The following ASCC1 variants were observed in gnomAD, a reference collection of about 807,000 sequenced individuals.
ASCC1 encodes the protein activating signal cointegrator 1 complex subunit 1.
ASCC1 carries 35 observed loss-of-function variants against 46.6 expected under a neutral mutation model. The ratio of observed to expected loss-of-function variants is 0.75; its 90% CI spans 0.57 to 0.99. The LOEUF is 0.99. ASCC1 is among the 50% of genes least tolerant of loss of function. The pLI is 0.00. For missense variants in ASCC1, 376 were observed against 428.7 expected, an observed-to-expected ratio of 0.88 and a Z score of 1.09; for synonymous variants, 143 against 146.6, an observed-to-expected ratio of 0.98 and a Z score of 0.18.
chr10:72,129,665 G>A (rs1369631438), intron 8 of ASCC1, among the ~76,000 whole-genome samples: 1 of 152,060 alleles, frequency 6.6e-6, no homozygotes, highest in African/African-American at 2.4e-5. Context: ...AATTAGCCAG[G>A]CATGGTGGCG....
At chr10:72,121,874 C>T (rs1489165667) in intron 9 of ASCC1, among the ~76,000 whole-genome samples, 3 of 152,172 alleles carry the variant, frequency 2.0e-5, no homozygotes, top group Non-Finnish European at 1.5e-5. Flanking sequence ...TATAGTAGAA[C>T]TCAACAGCAC....
intron 5 of ASCC1, among the ~76,000 whole-genome samples, chr10:72,176,687 C>T (rs987695421): frequency 4.6e-5 from 7 of 152,140 alleles, no homozygotes; most frequent in African/African-American, 1.4e-4. Context: ...CATTCAAAAT[C>T]CTTAACCCAC....
chr10:72,108,536 A>T (rs1842605009), intron 9 of ASCC1, among the ~76,000 whole-genome samples: 1 of 152,204 alleles, frequency 6.6e-6, no homozygotes, highest in African/African-American at 2.4e-5. Context: ...TTAACTTTTA[A>T]CTTTAAGCAC....
intron 5 of ASCC1, among the ~76,000 whole-genome samples, chr10:72,176,148 T>C (rs932179616): frequency 1.3e-5 from 2 of 152,238 alleles, no homozygotes; most frequent in African/African-American, 4.8e-5. Context: ...CTCTGAAATA[T>C]CTTTGGAATA....
At chr10:72,175,078 T>C (rs1851704354) in intron 5 of ASCC1, among the ~76,000 whole-genome samples, 1 of 152,232 alleles carries the variant, frequency 6.6e-6, no homozygotes, top group Non-Finnish European at 1.5e-5. Context: ...ATGAAGTTCA[T>C]TCATCTAAAG....
chr10:72,206,991 T>C (rs1467602028), intron 3 of ASCC1, among the ~76,000 whole-genome samples: 1 of 152,162 alleles, frequency 6.6e-6, no homozygotes, highest in Non-Finnish European at 1.5e-5. Flanking sequence ...CTCTCTAACA[T>C]GGTGCCATCC....
intron 5 of ASCC1, among the ~76,000 whole-genome samples, chr10:72,176,123 C>T (rs973695348): frequency 5.3e-5 from 8 of 152,218 alleles, no homozygotes; most frequent in Non-Finnish European, 1.0e-4. Context: ...TTATTATCCC[C>T]ACTTCAGAGC....
chr10:72,204,361 T>C, intron 3 of ASCC1: 1 of 1,547,438 alleles, frequency 6.5e-7, no homozygotes, highest in Non-Finnish European at 8.7e-7. Flanking sequence ...AGACGGGACA[T>C]GAGCTCACAA....
chr10:72,195,195 G>A (rs1266418416), intron 5 of ASCC1, among the ~76,000 whole-genome samples: 1 of 128,510 alleles, frequency 7.8e-6, no homozygotes, highest in Non-Finnish European at 1.6e-5. Flanking sequence ...TGCCCAGGCT[G>A]GAGTGCAATA....
At chr10:72,119,523 C>A (rs1374067213) in intron 9 of ASCC1, among the ~76,000 whole-genome samples, 1 of 152,086 alleles carries the variant, frequency 6.6e-6, no homozygotes. Flanking sequence ...TTCCACCTAA[C>A]GGGGGTGATG....
intron 7 of ASCC1, among the ~76,000 whole-genome samples, chr10:72,145,969 A>AC (rs1231057779): frequency 6.6e-6 from 1 of 151,970 alleles, no homozygotes; most frequent in Non-Finnish European, 1.5e-5. Context: ...CTCCCACCTT[A>AC]CCCCATTCCC....
chr10:72,110,837 A>G (rs571835006), intron 9 of ASCC1, among the ~76,000 whole-genome samples: 17 of 152,354 alleles, frequency 1.1e-4, no homozygotes, highest in African/African-American at 4.1e-4. Flanking sequence ...TGCAAAGAGT[A>G]CACATGCATA....
intron 7 of ASCC1, among the ~76,000 whole-genome samples, chr10:72,144,708 T>C (rs1847430220): frequency 6.6e-6 from 1 of 152,082 alleles, no homozygotes; most frequent in Non-Finnish European, 1.5e-5. Context: ...ATCCTGCCTC[T>C]CCCTTGAAAT....
At chr10:72,104,061 G>C (rs1222172237) in intron 9 of ASCC1, among the ~76,000 whole-genome samples, 1 of 152,146 alleles carries the variant, frequency 6.6e-6, no homozygotes, top group Non-Finnish European at 1.5e-5. Flanking sequence ...CATGAACCTA[G>C]TGATGGGTGA....
intron 9 of ASCC1, among the ~76,000 whole-genome samples, chr10:72,126,993 C>T (rs529962437): frequency 6.6e-6 from 1 of 152,292 alleles, no homozygotes; most frequent in South Asian, 2.1e-4. Flanking sequence ...TAAGCAGTCA[C>T]AGCTGCTGAA....
intron 9 of ASCC1, among the ~76,000 whole-genome samples, chr10:72,115,986 A>T (rs1224586283): frequency 6.6e-6 from 1 of 152,224 alleles, no homozygotes; most frequent in Non-Finnish European, 1.5e-5. Flanking sequence ...GGTAAGATCA[A>T]CAGTTAATAA....
chr10:72,132,638 C>G (rs1476641616), intron 8 of ASCC1, among the ~76,000 whole-genome samples: 1 of 151,834 alleles, frequency 6.6e-6, no homozygotes, highest in Non-Finnish European at 1.5e-5. Context: ...CCAGACAATG[C>G]CAAATGTCAT....
chr10:72,140,278 C>A (rs1728761796), intron 7 of ASCC1, among the ~76,000 whole-genome samples: 1 of 152,074 alleles, frequency 6.6e-6, no homozygotes, highest in Non-Finnish European at 1.5e-5. Flanking sequence ...ATTTCAGTCA[C>A]AAGAAACAAT....
chr10:72,191,412 C>A (rs1854482871), intron 5 of ASCC1, among the ~76,000 whole-genome samples: 2 of 151,474 alleles, frequency 1.3e-5, no homozygotes, highest in South Asian at 2.1e-4. Flanking sequence ...TTTGCTTTAT[C>A]TTATTAGGGA....
Sources: allele counts gnomAD v4.1 joint callset (sites outside exome capture counted in the v4.1 genomes callset), GRCh38; gene constraint gnomAD v4.1.1; transcripts MANE v1.5; gene names NCBI Gene and HGNC (gene_info 2026-07-23, HGNC 2026-07-21).